Variants in MAST4 observed in about 807,000 individuals in gnomAD.
MAST4 encodes microtubule-associated serine/threonine-protein kinase 4.
Under a neutral mutation model 162.7 loss-of-function variants are expected in MAST4, and 89 were observed. That is an observed-to-expected ratio of 0.55 (90% CI 0.46 to 0.65). MAST4 has a LOEUF of 0.65. Ranked by LOEUF, MAST4 falls within the 30% of genes least tolerant of loss-of-function variation. The pLI is 0.00. For synonymous variants in MAST4, 1,479 were observed against 1,361.1 expected (o/e 1.09, Z -1.91); for missense variants, 3,153 against 3,374.0 (o/e 0.93, Z 1.62).
intron 22 of MAST4, 115 bp downstream of exon 22, chr5:67,144,911 C>T: frequency 7.8e-7 from 1 of 1,284,144 alleles, no homozygotes; most frequent in Non-Finnish European, 1.1e-6. Flanking sequence ...TCTCCCACTT[C>T]CAGAGTTTCT....
chr5:67,145,456 C>T (rs546141490), intron 23 of MAST4, 77 bp downstream of exon 23: 57 of 1,263,128 alleles, frequency 4.5e-5, no homozygotes, highest in Non-Finnish European at 3.6e-5. Flanking sequence ...CAGGGCGGGC[C>T]TCGCCAGGCA....
At chr5:66,934,427 C>A (rs1281389367) in intron 4 of MAST4, among the ~76,000 whole-genome samples, 8 of 152,172 alleles carry the variant, frequency 5.3e-5, no homozygotes, top group African/African-American at 1.7e-4. Context: ...ATTTAGCCAG[C>A]TTGATTATTA....
intron 1 of MAST4, among the ~76,000 whole-genome samples, chr5:66,715,912 G>T (rs1418237577): frequency 2.0e-5 from 3 of 151,830 alleles, no homozygotes; most frequent in Admixed American, 1.3e-4. Context: ...TTATACATTT[G>T]TTCTCTCAAA....
chr5:66,916,221 G>GTATAC (rs1764109644), intron 4 of MAST4, among the ~76,000 whole-genome samples: 1 of 152,158 alleles, frequency 6.6e-6, no homozygotes, highest in Non-Finnish European at 1.5e-5. Context: ...AAGTGGCTCT[G>GTATAC]AATTGTATTT....
chr5:67,100,410 G>A (rs767319050), intron 7 of MAST4, 25 bp from the exon 8 acceptor site: 3 of 1,612,530 alleles, frequency 1.9e-6, no homozygotes, highest in Non-Finnish European at 8.5e-7. Context: ...AGGTAGTTAT[G>A]TGACCTCACT....
chr5:66,867,056 C>A (rs1760581420), intron 3 of MAST4, among the ~76,000 whole-genome samples: 1 of 152,186 alleles, frequency 6.6e-6, no homozygotes, highest in Admixed American at 6.5e-5. Flanking sequence ...CCACTATGCC[C>A]AGCTAATTAA....
chr5:66,916,518 A>T (rs1648020057), intron 4 of MAST4, among the ~76,000 whole-genome samples: 1 of 152,246 alleles, frequency 6.6e-6, no homozygotes. Flanking sequence ...TGCTCATAGT[A>T]ACTAGTGAAA....
intron 4 of MAST4, among the ~76,000 whole-genome samples, chr5:66,998,666 C>A (rs1296135106): frequency 6.6e-6 from 1 of 152,136 alleles, no homozygotes; most frequent in African/African-American, 2.4e-5. Context: ...CCCTGCCCAC[C>A]CCTTCACCCC....
intron 3 of MAST4, among the ~76,000 whole-genome samples, chr5:66,872,846 C>T (rs1361935097): frequency 6.6e-6 from 1 of 152,182 alleles, no homozygotes; most frequent in Non-Finnish European, 1.5e-5. Context: ...GCATGCACCT[C>T]ATGATCAGTG....
At chr5:67,071,998 G>T (rs779319657) in intron 5 of MAST4, among the ~76,000 whole-genome samples, 13 of 152,136 alleles carry the variant, frequency 8.5e-5, no homozygotes, top group Non-Finnish European at 5.9e-5. Flanking sequence ...TTTGAGGCAT[G>T]GGGGAGGAAA....
chr5:66,828,882 G>A (rs1378124735), intron 3 of MAST4: 1 of 1,600,094 alleles, frequency 6.2e-7, no homozygotes, highest in Non-Finnish European at 8.5e-7. Context: ...GAGGGCTCCA[G>A]GTAGGAGACT....
At chr5:66,739,763 A>G (rs566916805) in intron 1 of MAST4, among the ~76,000 whole-genome samples, 78 of 152,244 alleles carry the variant, frequency 5.1e-4, no homozygotes, top group African/African-American at 1.8e-3. Context: ...TCCCATGGCA[A>G]ATGCTAAAAC....
intron 3 of MAST4, among the ~76,000 whole-genome samples, chr5:66,824,773 T>A (rs2149740858): frequency 6.6e-6 from 1 of 152,348 alleles, no homozygotes; most frequent in African/African-American, 2.4e-5. Flanking sequence ...TCTACAAACC[T>A]GTACAGCATG....
intron 4 of MAST4, among the ~76,000 whole-genome samples, chr5:66,911,623 C>CTACTAGGG (rs2150016236): frequency 7.7e-6 from 1 of 130,032 alleles, no homozygotes; most frequent in East Asian, 2.6e-4. Context: ...ATAGTCCTAG[C>CTACTAGGG]TACTAGGGAG....
At chr5:66,680,992 AC>A (rs780656584) in intron 1 of MAST4, among the ~76,000 whole-genome samples, 2 of 152,206 alleles carry the variant, frequency 1.3e-5, no homozygotes, top group Non-Finnish European at 2.9e-5. Flanking sequence ...GCCTTTGGCC[AC>A]AAGGGGGACC....
At chr5:67,112,520 C>T (rs1368264054) in intron 11 of MAST4, among the ~76,000 whole-genome samples, 1 of 152,150 alleles carries the variant, frequency 6.6e-6, no homozygotes, top group Non-Finnish European at 1.5e-5. Context: ...GGCTGTAAAC[C>T]AAGGTTCTTA....
chr5:67,139,447 G>A (rs1430154713), intron 19 of MAST4, among the ~76,000 whole-genome samples: 1 of 152,186 alleles, frequency 6.6e-6, no homozygotes, highest in Admixed American at 6.5e-5. Flanking sequence ...TTTTGAACTT[G>A]TAGAATATTG....
At chr5:66,666,785 G>A (rs1747289206) in intron 1 of MAST4, among the ~76,000 whole-genome samples, 1 of 152,214 alleles carries the variant, frequency 6.6e-6, no homozygotes, top group Admixed American at 6.5e-5. Flanking sequence ...TGAGAAATGT[G>A]AGGCCATTTA....
intron 3 of MAST4, among the ~76,000 whole-genome samples, chr5:66,852,351 C>T (rs368644129): frequency 6.6e-6 from 1 of 152,044 alleles, no homozygotes; most frequent in South Asian, 2.1e-4. Context: ...TGCCATGTTG[C>T]CCAGGGTGGT....
Sources: allele counts gnomAD v4.1 joint callset (sites outside exome capture counted in the v4.1 genomes callset), GRCh38; gene constraint gnomAD v4.1.1; transcripts MANE v1.5; gene names NCBI Gene and HGNC (gene_info 2026-07-23, HGNC 2026-07-21).